The following STX18 variants were observed in gnomAD, a reference collection of about 807,000 sequenced individuals.
The protein encoded by STX18 is syntaxin-18.
STX18 carries 40 observed loss-of-function variants against 50.1 expected under a neutral mutation model. That is an observed-to-expected ratio of 0.80 (90% CI 0.62 to 1.04). The LOEUF (loss-of-function observed/expected upper bound fraction) is 1.04. Ranked by LOEUF, STX18 falls within the 50% of genes least tolerant of loss-of-function variation. STX18 has a pLI of 0.00. For synonymous variants in STX18, 158 were observed against 151.8 expected (o/e 1.04, Z -0.30); for missense variants, 410 against 415.8 (o/e 0.99, Z 0.12).
chr4:4,514,757 G>C (rs936039487), intron 1 of STX18, among the ~76,000 whole-genome samples: 31 of 152,086 alleles, frequency 2.0e-4, no homozygotes, highest in African/African-American at 7.5e-4. Flanking sequence ...GCAGGAACTA[G>C]GAGGGGCCTC....
intron 1 of STX18, chr4:4,507,175 C>T (rs1363391105): frequency 3.5e-6 from 2 of 576,160 alleles, no homozygotes; most frequent in African/African-American, 3.7e-5. Context: ...CGGCATGACA[C>T]TCCCTCTTGA....
intron 5 of STX18, among the ~76,000 whole-genome samples, chr4:4,445,578 C>T (rs902073195): frequency 2.0e-4 from 30 of 151,250 alleles, no homozygotes; most frequent in Admixed American, 1.7e-3. Context: ...AAAATGGTAT[C>T]GTTTACAATA....
At chr4:4,422,185 G>A (rs889795381) in intron 9 of STX18, among the ~76,000 whole-genome samples, 1 of 152,166 alleles carries the variant, frequency 6.6e-6, no homozygotes, top group African/African-American at 2.4e-5. Flanking sequence ...AGTGACCACT[G>A]CCAAGGTTCC....
chr4:4,455,352 A>C (rs373240588), intron 5 of STX18, among the ~76,000 whole-genome samples: 42 of 152,354 alleles, frequency 2.8e-4, no homozygotes, highest in African/African-American at 1.0e-3. Context: ...TGTTGCTGAC[A>C]GATAACTTGA....
intron 1 of STX18, among the ~76,000 whole-genome samples, chr4:4,481,950 T>C (rs1261706427): frequency 6.6e-6 from 1 of 152,186 alleles, no homozygotes; most frequent in Non-Finnish European, 1.5e-5. Flanking sequence ...AAGCAACTCC[T>C]GTCACTTTCC....
intron 5 of STX18, among the ~76,000 whole-genome samples, chr4:4,441,382 G>A (rs1371114646): frequency 1.3e-5 from 2 of 151,854 alleles, no homozygotes; most frequent in Admixed American, 6.6e-5. Context: ...TATGCACAAA[G>A]GTAAAGTTAT....
At position 4,474,208 on chromosome 4, in the gene STX18, A is replaced by G. The variant is rs868138478; in HGVS notation, c.169-2502T>C. Among the ~76,000 whole-genome samples, 14 of 152,294 alleles carry G rather than the reference A, an allele frequency of 9.2e-5. No individual in the cohort carries two copies. In the South Asian group the frequency reaches 1.9e-3, roughly 20 times the overall value. Reference sequence around the variant, plus strand: ...ATCCCATTCCCGCACAAAACGCTACATGTGCATCTATTTCAGCACCTGTTC... The same window carrying G: ...ATCCCATTCCCGCACAAAACGCTACGTGTGCATCTATTTCAGCACCTGTTC... On this transcript the variant is annotated intron_variant, in intron 1 of 10. Coordinates refer to ENST00000306200, the MANE Select transcript of STX18 (RefSeq NM_016930.4).
rs78631897 is a variant in STX18, at chr4:4,487,371, T to C, written c.169-15665A>G. Among the ~76,000 whole-genome samples, 1,041 of 152,294 alleles carry C rather than the reference T, an allele frequency of 6.8e-3. 13 individuals are homozygous for C. Among genetic ancestry groups the C allele is most frequent in the African/African-American group, 0.023 (952 of 41,556 alleles). ...ACTTCCAAATCATCATCATAATAAA[T>C]CATATTGAACATTTAGTGTTTCCTA... On this transcript the variant is annotated intron_variant, in intron 1 of 10. Transcript: ENST00000306200.
chr4:4,472,362 G>A (rs138018047), intron 1 of STX18, among the ~76,000 whole-genome samples: 2 of 152,316 alleles, frequency 1.3e-5, no homozygotes, highest in African/African-American at 4.8e-5. Context: ...AATAAAAAGT[G>A]GTGGGAAGAA....
intron 1 of STX18, among the ~76,000 whole-genome samples, chr4:4,488,393 G>A (rs1177096417): frequency 6.6e-6 from 1 of 152,136 alleles, no homozygotes; most frequent in African/African-American, 2.4e-5. Context: ...ATAGAAGTGC[G>A]AAAACTACAA....
In STX18 at chr4:4,420,443, A is replaced by G. The variant is rs1724876237; in HGVS notation, c.913-314T>C. On this transcript the variant is annotated intron_variant, in intron 10 of 10. Transcript: ENST00000306200. The surrounding 1 kb of genome is among the most constrained non-coding windows in gnomAD (Gnocchi z 4.3). ...CGCAAGCTTTGTGTTTCCCAGTAACATGATGTCCGTGGTGACCCAACCCTG... is the reference window on the plus strand; with the variant it reads ...CGCAAGCTTTGTGTTTCCCAGTAACGTGATGTCCGTGGTGACCCAACCCTG... The G allele has an allele frequency of 2.4e-6, 1 of 418,680 alleles. No individual in the cohort carries two copies. Among genetic ancestry groups the G allele is most frequent in the Non-Finnish European group, 4.4e-6 (1 of 228,494 alleles). The allele number at this position is 418,680 out of a possible 1,614,324, so 25.9% of individuals were successfully genotyped here.
At chr4:4,486,907 G>A (rs1728723276) in intron 1 of STX18, among the ~76,000 whole-genome samples, 1 of 152,196 alleles carries the variant, frequency 6.6e-6, no homozygotes, top group Non-Finnish European at 1.5e-5. Context: ...CTTACACAGA[G>A]TCACGAACAT....
chr4:4,513,459 G>GA lies in STX18; in HGVS notation c.168+28337dup, dbSNP rs765969161. Among the ~76,000 whole-genome samples the GA allele has an allele frequency of 3.7e-4, 56 of 152,258 alleles. No individual in the cohort carries two copies. In the Middle Eastern group the frequency reaches 0.01, roughly 28 times the overall value. ...TGAAGAAGGAAAGGAAAGTGTGGGG[G>GA]ATTTCAACCAACAGAGTCACAGACT... On this transcript the variant is annotated intron_variant, in intron 1 of 10. Transcript: ENST00000306200.
chr4:4,458,679 C>A (rs866225696), intron 3 of STX18, among the ~76,000 whole-genome samples: 2 of 152,178 alleles, frequency 1.3e-5, no homozygotes, highest in African/African-American at 2.4e-5. Flanking sequence ...AGATAATAAG[C>A]GCTCTTGTGC....
chr4:4,541,759 C>T lies in STX18; in HGVS notation c.168+38G>A, dbSNP rs111651740. On this transcript the variant is annotated intron_variant, in intron 1 of 10. Transcript: ENST00000306200. ...CCGGGGTCCCTGTCGCAGGACTGCC[C>T]CCTCCTCAACCCGCCGTTTCCATAG... 1.4e-4 allele frequency: 215 copies of T among 1,580,654 alleles called. 3 individuals carry two copies. The African/African-American group carries it at 2.1e-3, about 15-fold the overall frequency.
At chr4:4,461,426 A>G (rs1270621094) in intron 2 of STX18, among the ~76,000 whole-genome samples, 2 of 152,182 alleles carry the variant, frequency 1.3e-5, no homozygotes. Flanking sequence ...CTGCTCTAGT[A>G]AAATGTCATT....
chr4:4,426,622 A>G (rs762458550), intron 7 of STX18: 1 of 152,312 alleles, frequency 6.6e-6, no homozygotes, highest in Non-Finnish European at 1.5e-5. Context: ...GCTGTGCTCT[A>G]TGCAGGCGCT....
intron 1 of STX18, chr4:4,499,491 C>T: frequency 1.0e-6 from 1 of 985,386 alleles, no homozygotes; most frequent in Non-Finnish European, 1.2e-6. Context: ...TGCACAGATG[C>T]TTGCCCACGT....
chr4:4,447,483 C>T (rs913173428), intron 5 of STX18, among the ~76,000 whole-genome samples: 130 of 150,746 alleles, frequency 8.6e-4, no homozygotes, highest in African/African-American at 3.1e-3. Context: ...CCCAGCTACT[C>T]GGGAGGCTGA....
Sources: gnomAD v4.1 joint callset for allele counts (sites outside exome capture counted in the v4.1 genomes callset) on GRCh38, gnomAD v4.1.1 for gene constraint, Gnocchi (gnomAD v3.1) non-coding constraint, MANE v1.5 for transcripts, NCBI Gene and HGNC (gene_info 2026-07-23, HGNC 2026-07-21) for gene names.